Variants in GRHL2 observed in about 807,000 individuals in gnomAD.
GRHL2 encodes the protein grainyhead like transcription factor 2, also known as grainyhead-like protein 2 homolog.
In GRHL2, 21 loss-of-function variants were observed where a neutral mutation model predicts 83.8. The observed-to-expected ratio is 0.25, with a 90% CI of 0.18 to 0.36. GRHL2 has a LOEUF of 0.36. Among genes scored for constraint, GRHL2 ranks in the 10% least tolerant of loss-of-function variants. GRHL2 has a pLI of 1.00. For missense variants in GRHL2, 623 were observed against 781.8 expected (o/e 0.80, Z 2.42); for synonymous variants, 280 against 278.9 (o/e 1.00, Z -0.04).
At chr8:101,542,798 A>AAG (rs1459940984) in intron 1 of GRHL2, 1 of 456,574 alleles carries the variant, frequency 2.2e-6, no homozygotes, top group African/African-American at 2.0e-5. Context: ...TGGAAGGGTA[A>AAG]AGAGAGAGTA....
In GRHL2 at chr8:101,547,131, C is replaced by T. The variant is rs184724614; in HGVS notation, c.216+3695C>T. On this transcript the variant is annotated intron_variant, in intron 2 of 15. Transcript: ENST00000646743. ...CCCTTTTCAGTTGCCTGGGTGTTCA[C>T]AGCTTATATATGTTGGTGTTAAAGT... Among the ~76,000 whole-genome samples, 558 of 152,292 alleles carry T rather than the reference C, an allele frequency of 3.7e-3. 1 individual carries two copies. The highest frequency in any genetic ancestry group is 4.2e-3 in the Non-Finnish European group (288 of 68,020).
intron 8 of GRHL2, among the ~76,000 whole-genome samples, chr8:101,602,181 G>A (rs1435668253): frequency 1.6e-4 from 25 of 151,952 alleles, no homozygotes. Context: ...TTTTGTCTGC[G>A]GAGCCTAAGG....
chr8:101,627,244 G>C (rs1813098325), intron 9 of GRHL2, among the ~76,000 whole-genome samples: 1 of 152,052 alleles, frequency 6.6e-6, no homozygotes, highest in Non-Finnish European at 1.5e-5. Flanking sequence ...TATTGATCAA[G>C]TCTGTCAGCT....
downstream of GRHL2, among the ~76,000 whole-genome samples, chr8:101,673,508 T>G (rs1042347626): frequency 8.2e-6 from 1 of 121,804 alleles, no homozygotes; most frequent in East Asian, 2.5e-4. Context: ...CTAACTATCC[T>G]AAATATATAT....
At chr8:101,498,594 G>C (rs1285095422) in intron 1 of GRHL2, among the ~76,000 whole-genome samples, 1 of 152,096 alleles carries the variant, frequency 6.6e-6, no homozygotes, top group Non-Finnish European at 1.5e-5. Context: ...CTGATAAGAT[G>C]GTACTAGATC....
At chr8:101,586,065 CTTTTTTTTTTTT>C (rs67985027) in intron 7 of GRHL2, among the ~76,000 whole-genome samples, 1,920 of 94,428 alleles carry the variant, frequency 0.02, 145 homozygotes, top group African/African-American at 0.077. Context: ...CCTCATGTTT[CTTTTTTTTTTTT>C]TTTTTTTTTT....
chr8:101,647,541 T>C (rs1399599648), intron 13 of GRHL2, among the ~76,000 whole-genome samples: 1 of 152,232 alleles, frequency 6.6e-6, no homozygotes, highest in African/African-American at 2.4e-5. Context: ...TTATTTTTCC[T>C]TGTACCGCTA....
At chr8:101,528,884 A>T in intron 1 of GRHL2, 1 of 334,242 alleles carries the variant, frequency 3.0e-6, no homozygotes, top group South Asian at 2.7e-5. Context: ...TTGTTGTTAG[A>T]TGACAGACCT....
At chr8:101,557,276 T>G (rs2096554) in intron 3 of GRHL2, among the ~76,000 whole-genome samples, 117,979 of 147,006 alleles carry the variant, frequency 0.8, 47,917 homozygotes, top group African/African-American at 0.89. Context: ...CCAGGTTGGA[T>G]TGCAGTGGTG....
chr8:101,551,793 C>T (rs1244907356), intron 2 of GRHL2, among the ~76,000 whole-genome samples: 1 of 148,434 alleles, frequency 6.7e-6, no homozygotes, highest in Non-Finnish European at 1.5e-5. Context: ...GCCCTTCTTT[C>T]AATGAGCACT....
rs150430285 is a variant in GRHL2 at position 101,591,358 on chromosome 8, C to T, written c.1004-7699C>T. On this transcript the variant is annotated intron_variant, in intron 7 of 15. Transcript: ENST00000646743. ...AAGGCTAACTTTGGAATTTTTCTTT[C>T]GATCTTCACAGTGCTTGCAGTATGT... 4.8e-4 allele frequency among the ~76,000 whole-genome samples: 73 copies of T among 152,184 alleles called. 1 individual carries two copies. The East Asian group carries it at 0.013, about 26-fold the overall frequency.
chr8:101,559,340 T>A, intron 4 of GRHL2, among the ~76,000 whole-genome samples: 1 of 110,810 alleles, frequency 9.0e-6, no homozygotes, highest in Non-Finnish European at 1.7e-5. Context: ...AACTCCTGTC[T>A]CTACTAAAAA....
At chr8:101,586,325 A>T (rs2130273446) in intron 7 of GRHL2, among the ~76,000 whole-genome samples, 1 of 152,230 alleles carries the variant, frequency 6.6e-6, no homozygotes, top group East Asian at 1.9e-4. Flanking sequence ...TTAATATTTT[A>T]AAATGACAGA....
In GRHL2 at chr8:101,573,689, G is replaced by A. The variant is rs1354422055; in HGVS notation, c.756G>A (p.Leu252=). 6.2e-7 allele frequency: 1 copy of A among 1,614,060 alleles called. No individual in the cohort carries two copies. The highest frequency in any genetic ancestry group is 8.5e-7 in the Non-Finnish European group (1 of 1,180,042). The stretch of plus-strand genomic sequence containing the variant: ...ACAGTGGCACATTTCAGTACACCCT[G>A]GAAGCCACCAAATCTCTCCGTCAGA... ...QTSSGTFQYT[L]EATKSLRQKQ... Residue 252 remains leucine, a synonymous_variant, in exon 6 of 16, where the codon CTG becomes CTA. Transcript: ENST00000646743.
intron 1 of GRHL2, chr8:101,528,776 T>C: frequency 3.2e-6 from 1 of 313,048 alleles, no homozygotes; most frequent in South Asian, 3.3e-5. Flanking sequence ...TTCCTCCTTT[T>C]CAGTTTCTCA....
chr8:101,648,788 T>G (rs951869121), intron 13 of GRHL2, among the ~76,000 whole-genome samples: 3 of 152,154 alleles, frequency 2.0e-5, no homozygotes, highest in African/African-American at 7.2e-5. Context: ...TCTCATCACT[T>G]GCCTGCATTC....
At chr8:101,533,809 C>G (rs993132398) in intron 1 of GRHL2, among the ~76,000 whole-genome samples, 1 of 152,110 alleles carries the variant, frequency 6.6e-6, no homozygotes, top group Non-Finnish European at 1.5e-5. Flanking sequence ...GAAGATGAAA[C>G]AGCTGAAGTC....
At chr8:101,625,568 C>A (rs188300815) in intron 9 of GRHL2, among the ~76,000 whole-genome samples, 58 of 151,942 alleles carry the variant, frequency 3.8e-4, no homozygotes, top group Non-Finnish European at 8.0e-4. Context: ...TGGATTTTTC[C>A]AAAGCAGTTG....
chr8:101,658,940 G>A (rs1247085273), intron 14 of GRHL2, among the ~76,000 whole-genome samples: 1 of 152,080 alleles, frequency 6.6e-6, no homozygotes, highest in East Asian at 1.9e-4. Context: ...TTATCGGGGT[G>A]CTTACCTTTT....
Sources: allele counts gnomAD v4.1 joint callset (sites outside exome capture counted in the v4.1 genomes callset), GRCh38; gene constraint gnomAD v4.1.1; transcripts MANE v1.5; gene names NCBI Gene and HGNC (gene_info 2026-07-23, HGNC 2026-07-21).